MYO3A: variants seen among roughly 807,000 people sequenced by gnomAD.
MYO3A encodes the protein myosin IIIA.
Under a neutral mutation model 192.7 loss-of-function variants are expected in MYO3A, and 180 were observed. The observed-to-expected ratio is 0.93, with a 90% CI of 0.83 to 1.06. MYO3A has a LOEUF of 1.06. MYO3A is among the 50% of genes least tolerant of loss of function. The pLI is 0.00. For missense variants in MYO3A, 1,896 were observed against 1,905.0 expected, an observed-to-expected ratio of 1.00 and a Z score of 0.09; for synonymous variants, 628 against 645.3, an observed-to-expected ratio of 0.97 and a Z score of 0.41.
At chr10:25,948,857 G>C (rs1453806072) in intron 2 of MYO3A, among the ~76,000 whole-genome samples, 1 of 151,990 alleles carries the variant, frequency 6.6e-6, no homozygotes, top group Non-Finnish European at 1.5e-5. Context: ...AACATGACTA[G>C]GTGTATTCTG....
chr10:26,058,941 G>A (rs1330555304), intron 10 of MYO3A, among the ~76,000 whole-genome samples: 1 of 43,802 alleles, frequency 2.3e-5, no homozygotes, highest in Non-Finnish European at 7.4e-5. Flanking sequence ...TTTCATTGGG[G>A]GGTGCAAATG....
intron 26 of MYO3A, 47 bp from the exon 27 acceptor site, chr10:26,166,020 T>G: frequency 6.8e-7 from 1 of 1,463,548 alleles, no homozygotes; most frequent in South Asian, 1.1e-5. Flanking sequence ...GCTACAGAGA[T>G]GTTGGCACTT....
intron 30 of MYO3A, 40 bp from the exon 31 acceptor site, chr10:26,176,661 C>A (rs758529905): frequency 5.1e-6 from 8 of 1,580,608 alleles, no homozygotes; most frequent in Middle Eastern, 1.7e-4. Flanking sequence ...TCTCTGTATT[C>A]TTTTCCTTGA....
intron 2 of MYO3A, among the ~76,000 whole-genome samples, chr10:25,947,958 A>G (rs1160566754): frequency 1.3e-5 from 2 of 152,174 alleles, no homozygotes; most frequent in Admixed American, 1.3e-4. Flanking sequence ...AGTGTTAGGA[A>G]GTGATAAGTG....
intron 29 of MYO3A, among the ~76,000 whole-genome samples, 160 bp downstream of exon 29, chr10:26,170,699 C>T (rs755420342): frequency 6.6e-6 from 1 of 152,206 alleles, no homozygotes; most frequent in South Asian, 2.1e-4. Flanking sequence ...TGTTCTCTAT[C>T]CTATTTTGGA....
chr10:26,139,314 C>A (rs1840022807), intron 20 of MYO3A, among the ~76,000 whole-genome samples: 1 of 148,980 alleles, frequency 6.7e-6, no homozygotes, highest in Non-Finnish European at 1.5e-5. Flanking sequence ...GATCTCGGCT[C>A]ACCACAACCT....
At chr10:26,205,617 T>C (rs1482937838) in intron 34 of MYO3A, among the ~76,000 whole-genome samples, 3 of 125,518 alleles carry the variant, frequency 2.4e-5, no homozygotes, top group Non-Finnish European at 3.4e-5. Flanking sequence ...TCTTTTTTTT[T>C]TTTTTTTTTT....
chr10:26,008,304 A>G (rs1445336282), intron 6 of MYO3A, among the ~76,000 whole-genome samples: 1 of 148,398 alleles, frequency 6.7e-6, no homozygotes, highest in Non-Finnish European at 1.5e-5. Flanking sequence ...AGGCATTACC[A>G]TTCAGGACAT....
chr10:26,067,784 G>T (rs921819227), intron 11 of MYO3A, among the ~76,000 whole-genome samples: 3 of 152,088 alleles, frequency 2.0e-5, no homozygotes, highest in Admixed American at 2.0e-4. Flanking sequence ...AGAAATAAAT[G>T]CCCTCTTTTT....
At chr10:26,113,068 ATTAG>A (rs1564561989) in intron 17 of MYO3A, among the ~76,000 whole-genome samples, 1 of 152,328 alleles carries the variant, frequency 6.6e-6, no homozygotes, top group East Asian at 1.9e-4. Context: ...TCTTTGGATT[ATTAG>A]TTATGTCTTT....
chr10:25,978,501 C>T (rs559637699), intron 4 of MYO3A, among the ~76,000 whole-genome samples: 1 of 152,218 alleles, frequency 6.6e-6, no homozygotes, highest in South Asian at 2.1e-4. Flanking sequence ...ACAGGAAAGA[C>T]CTGCCCTCAT....
At chr10:26,124,210 A>AAC (rs1839058397) in intron 18 of MYO3A, among the ~76,000 whole-genome samples, 2 of 148,532 alleles carry the variant, frequency 1.3e-5, no homozygotes, top group African/African-American at 4.9e-5. Context: ...AAAAAAAAAA[A>AAC]CTTTTACATA....
chr10:25,938,900 T>C (rs1009247522), intron 2 of MYO3A, among the ~76,000 whole-genome samples: 1 of 152,140 alleles, frequency 6.6e-6, no homozygotes, highest in Non-Finnish European at 1.5e-5. Context: ...CAGTTATTAC[T>C]AAGGTGGGTT....
At chr10:26,162,986 C>T (rs750912313) in intron 26 of MYO3A, among the ~76,000 whole-genome samples, 7 of 152,196 alleles carry the variant, frequency 4.6e-5, no homozygotes, top group Non-Finnish European at 5.9e-5. Context: ...TGAAAGGGCG[C>T]GCAAGCGTAG....
rs151285351 is a variant in MYO3A at position 26,017,335 on chromosome 10, G to A, written c.585+439G>A. Among the ~76,000 whole-genome samples the A allele has an allele frequency of 7.6e-3, 1,155 of 152,282 alleles. 10 individuals carry two copies. Among genetic ancestry groups the A allele is most frequent in the Non-Finnish European group, 0.013 (865 of 68,024 alleles). On this transcript the variant is annotated intron_variant, in intron 7 of 34. Coordinates refer to ENST00000642920, the MANE Select transcript of MYO3A (RefSeq NM_017433.5). ...TCACTCTGCCTGGGGGCTATGCTCA[G>A]CTTTAATAAATTCTTTACATCATTA...
chr10:26,169,296 G>A (rs1047734336), intron 28 of MYO3A, among the ~76,000 whole-genome samples: 3 of 152,056 alleles, frequency 2.0e-5, no homozygotes, highest in Non-Finnish European at 4.4e-5. Flanking sequence ...GTTAACTGTA[G>A]AGAAATAATA....
intron 17 of MYO3A, among the ~76,000 whole-genome samples, chr10:26,097,832 T>A (rs1837149368): frequency 6.6e-6 from 1 of 152,190 alleles, no homozygotes; most frequent in East Asian, 1.9e-4. Context: ...TTGTGAATAG[T>A]GCCACAATAA....
At chr10:26,072,332 A>G (rs1010314921) in intron 14 of MYO3A, among the ~76,000 whole-genome samples, 1 of 152,196 alleles carries the variant, frequency 6.6e-6, no homozygotes, top group African/African-American at 2.4e-5. Flanking sequence ...AGGTCCTGCT[A>G]CTTGCTGCGC....
At chr10:26,132,980 T>C (rs1839628922) in intron 20 of MYO3A, among the ~76,000 whole-genome samples, 1 of 152,214 alleles carries the variant, frequency 6.6e-6, no homozygotes, top group South Asian at 2.1e-4. Flanking sequence ...ATTCACTTAA[T>C]ATAAAATACC....
Sources: allele counts gnomAD v4.1 joint callset (sites outside exome capture counted in the v4.1 genomes callset), GRCh38; gene constraint gnomAD v4.1.1; transcripts MANE v1.5; gene names NCBI Gene and HGNC (gene_info 2026-07-23, HGNC 2026-07-21).